CMC1: variants seen among roughly 807,000 people sequenced by gnomAD.
CMC1 encodes the protein COX assembly mitochondrial protein homolog.
Under a neutral mutation model 14.1 loss-of-function variants are expected in CMC1, and 14 were observed. The observed-to-expected ratio is 0.99, with a 90% CI of 0.66 to 1.55. The LOEUF is 1.55. Ranked by LOEUF, CMC1 falls within the 40% of genes most tolerant of loss-of-function variation. The probability of loss-of-function intolerance (pLI) is 0.00; values close to 1 mark genes in which losing one functional copy is unlikely to be tolerated. For missense variants in CMC1, 127 were observed against 123.8 expected (o/e 1.03, Z -0.12); for synonymous variants, 50 against 38.4 (o/e 1.30, Z -1.12).
At chr3:28,243,933 G>A (rs984315206) in intron 1 of CMC1, among the ~76,000 whole-genome samples, 19 of 152,220 alleles carry the variant, frequency 1.2e-4, no homozygotes, top group Admixed American at 1.2e-3. Flanking sequence ...AGAGCTTTAT[G>A]AGGAAGTGTC....
At chr3:28,289,187 AGTCTC>A (rs1319795526) in intron 2 of CMC1, among the ~76,000 whole-genome samples, 3 of 151,814 alleles carry the variant, frequency 2.0e-5, no homozygotes, top group African/African-American at 7.2e-5. Context: ...AATATAGAAA[AGTCTC>A]GATGAGTGCT....
At chr3:28,266,623 G>A (rs1227732461) in intron 2 of CMC1, among the ~76,000 whole-genome samples, 3 of 152,022 alleles carry the variant, frequency 2.0e-5, no homozygotes, top group South Asian at 4.2e-4. Flanking sequence ...GATTGCAGGC[G>A]TGGACTACTG....
intron 2 of CMC1, among the ~76,000 whole-genome samples, chr3:28,264,647 AT>A (rs1699912387): frequency 6.6e-6 from 1 of 152,136 alleles, no homozygotes; most frequent in Non-Finnish European, 1.5e-5. Flanking sequence ...GGTAGGTGTC[AT>A]GTTTATGGTC....
At chr3:28,307,683 T>C (rs1702397954) in intron 2 of CMC1, among the ~76,000 whole-genome samples, 1 of 152,234 alleles carries the variant, frequency 6.6e-6, no homozygotes, top group African/African-American at 2.4e-5. Context: ...ATTCATCTAA[T>C]AATTGCAAAA....
At chr3:28,279,819 C>T (rs1450859376) in intron 2 of CMC1, among the ~76,000 whole-genome samples, 1 of 152,182 alleles carries the variant, frequency 6.6e-6, no homozygotes, top group Non-Finnish European at 1.5e-5. Flanking sequence ...GGACAACCTT[C>T]ATGTAAATGG....
intron 1 of CMC1, among the ~76,000 whole-genome samples, chr3:28,246,205 A>G (rs1698821196): frequency 6.6e-6 from 1 of 152,134 alleles, no homozygotes; most frequent in South Asian, 2.1e-4. Context: ...AAGACCTAAC[A>G]TCTACATTTT....
At position 28,321,106 on chromosome 3, in the gene CMC1, C is replaced by A. The variant is rs1378159159; in HGVS notation, c.*1477C>A. ...TACTTTTATTTGAAATACAAAGAAACCACATTTTCCCAGGCCACAGATCAA... is the reference window on the plus strand; with the variant it reads ...TACTTTTATTTGAAATACAAAGAAAACACATTTTCCCAGGCCACAGATCAA... On this transcript the variant is annotated 3_prime_UTR_variant, in exon 4 of 4. Coordinates refer to ENST00000466830, the MANE Select transcript of CMC1 (RefSeq NM_182523.2). The A allele has an allele frequency of 2.6e-5, 4 of 151,256 alleles. No individual in the cohort carries two copies. The allele number at this position is 151,256 out of a possible 1,614,324, so 9.4% of individuals were successfully genotyped here. A position where few individuals can be genotyped will look rare whatever the true frequency, so the allele number is the denominator to read the frequency against.
chr3:28,313,347 T>C (rs1456475668), intron 2 of CMC1, among the ~76,000 whole-genome samples: 1 of 152,218 alleles, frequency 6.6e-6, no homozygotes, highest in Non-Finnish European at 1.5e-5. Context: ...TTATTGATAT[T>C]CTTTTGTATT....
intron 2 of CMC1, among the ~76,000 whole-genome samples, chr3:28,294,278 AC>A: frequency 6.6e-6 from 1 of 151,648 alleles, no homozygotes; most frequent in Admixed American, 6.6e-5. Flanking sequence ...TACAAAATTT[AC>A]CCCCCCTTGA....
intron 2 of CMC1, among the ~76,000 whole-genome samples, chr3:28,268,859 C>G (rs1451320102): frequency 6.6e-6 from 1 of 152,156 alleles, no homozygotes; most frequent in African/African-American, 2.4e-5. Context: ...AATAACTGAA[C>G]AAAGTATATA....
At chr3:28,294,713 G>A (rs913331353) in intron 2 of CMC1, among the ~76,000 whole-genome samples, 1 of 151,988 alleles carries the variant, frequency 6.6e-6, no homozygotes, top group Non-Finnish European at 1.5e-5. Flanking sequence ...TTTTTAACTT[G>A]TGGTTCTTTA....
chr3:28,292,444 G>T (rs1186699795), intron 2 of CMC1, among the ~76,000 whole-genome samples: 1 of 151,958 alleles, frequency 6.6e-6, no homozygotes, highest in African/African-American at 2.4e-5. Context: ...AAACGTTGTT[G>T]CTAGGTAAAG....
chr3:28,275,321 G>C (rs979421980), intron 2 of CMC1, among the ~76,000 whole-genome samples: 7 of 126,186 alleles, frequency 5.5e-5, no homozygotes, highest in Non-Finnish European at 1.1e-4. Context: ...GTTACTGTTA[G>C]TTGTTTGTTT....
Position 28,324,570 on chromosome 3 carries a change from T to C in CMC1, c.*4941T>C. Reference sequence around the variant, plus strand: ...GGTGATGAAATTAAGATTTCCAAGTTAGTGTGATCATTGAGGCACTGTGAC... The same window carrying C: ...GGTGATGAAATTAAGATTTCCAAGTCAGTGTGATCATTGAGGCACTGTGAC... On this transcript the variant is annotated 3_prime_UTR_variant, in exon 4 of 4. Transcript: ENST00000466830. 1 of 978,926 alleles carries C rather than the reference T, an allele frequency of 1.0e-6. No individual in the cohort carries two copies. Among genetic ancestry groups the C allele is most frequent in the South Asian group, 3.2e-5 (1 of 30,832 alleles). 60.6% of individuals were successfully genotyped at this position (978,926 alleles called of 1,614,324 possible). A position where few individuals can be genotyped will look rare whatever the true frequency, so the allele number is the denominator to read the frequency against.
chr3:28,246,124 A>C (rs1698814657), intron 1 of CMC1, among the ~76,000 whole-genome samples: 1 of 151,766 alleles, frequency 6.6e-6, no homozygotes. Flanking sequence ...TTTTGATTTT[A>C]TTATTGCCGC....
At chr3:28,277,538 A>G (rs1217383406) in intron 2 of CMC1, among the ~76,000 whole-genome samples, 1 of 152,202 alleles carries the variant, frequency 6.6e-6, no homozygotes, top group African/African-American at 2.4e-5. Flanking sequence ...ATTAGTAAAT[A>G]TAAGTGCCTT....
rs1703189837 is a variant in CMC1 at position 28,321,542 on chromosome 3, T to C, written c.*1913T>C. On this transcript the variant is annotated 3_prime_UTR_variant, in exon 4 of 4. Transcript: ENST00000466830. ...AGATTTTTTTCACCTGGTACATCTG[T>C]CTCAGTTGTGTCTTGCTTGCTTATG... 1 of 151,406 alleles carries C rather than the reference T, an allele frequency of 6.6e-6. No individual in the cohort carries two copies. The highest frequency in any genetic ancestry group is 2.4e-5 in the African/African-American group (1 of 41,352). 9.4% of individuals were successfully genotyped at this position (151,406 alleles called of 1,614,324 possible). A position where few individuals can be genotyped will look rare whatever the true frequency, so the allele number is the denominator to read the frequency against.
intron 2 of CMC1, among the ~76,000 whole-genome samples, chr3:28,304,629 C>G (rs978683063): frequency 2.0e-5 from 3 of 152,116 alleles, no homozygotes; most frequent in African/African-American, 7.2e-5. Flanking sequence ...TTGACCCAAA[C>G]TTTCCCAGAA....
intron 2 of CMC1, among the ~76,000 whole-genome samples, chr3:28,264,316 G>T (rs1478823624): frequency 6.6e-6 from 1 of 152,066 alleles, no homozygotes; most frequent in Non-Finnish European, 1.5e-5. Context: ...TCAGGACTGG[G>T]TCAATAACAT....
Sources: gnomAD v4.1 joint callset for allele counts (sites outside exome capture counted in the v4.1 genomes callset) on GRCh38, gnomAD v4.1.1 for gene constraint, MANE v1.5 for transcripts, NCBI Gene and HGNC (gene_info 2026-07-23, HGNC 2026-07-21) for gene names.